Variants in PBX3 observed in about 807,000 individuals in gnomAD.
PBX3 encodes the protein PBX homeobox 3.
In PBX3, 14 loss-of-function variants were observed where a neutral mutation model predicts 48.5. The ratio of observed to expected loss-of-function variants is 0.29; its 90% CI spans 0.19 to 0.45. The LOEUF is 0.45. Among genes scored for constraint, PBX3 ranks in the 20% least tolerant of loss-of-function variants. The pLI is 1.00. For synonymous variants in PBX3, 210 were observed against 200.3 expected (o/e 1.05, Z -0.41); for missense variants, 386 against 546.7 (o/e 0.71, Z 2.93).
rs1842410869 is a variant in PBX3, at chr9:125,960,752, C to T, written c.912C>T (p.Ala304=). Residue 304 remains alanine (A), a synonymous_variant, in exon 6 of 9, where the codon GCC becomes GCT. Transcript: ENST00000373489. ...ACATTGGCAAGTTTCAGGAAGAAGC[C>T]AACCTCTATGCTGCAAAGACGGCCG... ...KKNIGKFQEE[A]NLYAAKTAVT... is the part of the protein sequence containing the mutation. 2.5e-6 allele frequency: 4 copies of T among 1,614,154 alleles called. No individual in the cohort carries two copies. In the East Asian group the frequency reaches 8.9e-5, roughly 36 times the overall value.
intron 2 of PBX3, among the ~76,000 whole-genome samples, chr9:125,896,235 C>G (rs759844993): frequency 2.6e-4 from 40 of 151,954 alleles, no homozygotes; most frequent in Non-Finnish European, 4.1e-4. Flanking sequence ...AGAGATTCCT[C>G]TGTGTGTGCC....
intron 2 of PBX3, among the ~76,000 whole-genome samples, chr9:125,821,912 A>G (rs888760707): frequency 6.6e-6 from 1 of 152,164 alleles, no homozygotes. Flanking sequence ...TTAATTAATG[A>G]TATGTAAATG....
chr9:125,845,585 T>C (rs41307493), intron 2 of PBX3, among the ~76,000 whole-genome samples: 58 of 152,240 alleles, frequency 3.8e-4, no homozygotes, highest in Admixed American at 1.6e-3. Context: ...CAGCATAGAA[T>C]GATCATGAGC....
rs1842553194 is a variant in PBX3, at chr9:125,967,252, T to C, written c.*1329T>C. The C allele has an allele frequency of 6.6e-6, 1 of 152,660 alleles. No homozygotes were observed. The highest frequency in any genetic ancestry group is 1.5e-5 in the Non-Finnish European group (1 of 68,038). 9.5% of individuals were successfully genotyped at this position (152,660 alleles called of 1,614,324 possible). Reference sequence around the variant, plus strand: ...TCATGAAAATAATTTGTGGCGGTGATTCTAATGTATTAAAAACGTTTCGTG... The same window carrying C: ...TCATGAAAATAATTTGTGGCGGTGACTCTAATGTATTAAAAACGTTTCGTG... On this transcript the variant is annotated 3_prime_UTR_variant, in exon 9 of 9. Transcript: ENST00000373489.
At chr9:125,817,235 G>A (rs1305841093) in intron 2 of PBX3, among the ~76,000 whole-genome samples, 1 of 152,146 alleles carries the variant, frequency 6.6e-6, no homozygotes, top group Non-Finnish European at 1.5e-5. Flanking sequence ...ATGAAGTTTA[G>A]ATACAACACA....
intron 3 of PBX3, among the ~76,000 whole-genome samples, chr9:125,920,869 A>C (rs1841442522): frequency 6.6e-6 from 1 of 152,200 alleles, no homozygotes; most frequent in Admixed American, 6.5e-5. Context: ...GGAATGGAGA[A>C]TGGGTGAAAA....
intron 2 of PBX3, among the ~76,000 whole-genome samples, chr9:125,771,564 C>T (rs1228605513): frequency 6.6e-6 from 1 of 152,106 alleles, no homozygotes; most frequent in Non-Finnish European, 1.5e-5. Flanking sequence ...AGTAAGGTTA[C>T]TCTCCTTGCA....
chr9:125,945,093 G>A (rs1055770976), intron 5 of PBX3, among the ~76,000 whole-genome samples: 6 of 152,038 alleles, frequency 3.9e-5, no homozygotes, highest in Non-Finnish European at 2.9e-5. Flanking sequence ...GCATGGTGGC[G>A]CATGCCGGTG....
intron 2 of PBX3, among the ~76,000 whole-genome samples, chr9:125,781,164 C>T (rs1344118689): frequency 1.3e-5 from 2 of 150,788 alleles, no homozygotes; most frequent in African/African-American, 4.9e-5. Context: ...GAGGCCAAGG[C>T]AGGCGGCTGG....
intron 2 of PBX3, among the ~76,000 whole-genome samples, chr9:125,898,312 TCA>T (rs753591980): frequency 6.6e-6 from 1 of 151,764 alleles, no homozygotes; most frequent in Non-Finnish European, 1.5e-5. Context: ...CCAGAAATTT[TCA>T]CAGTCTCCTT....
intron 2 of PBX3, among the ~76,000 whole-genome samples, chr9:125,905,391 G>A (rs1231767645): frequency 6.6e-6 from 1 of 151,898 alleles, no homozygotes; most frequent in Non-Finnish European, 1.5e-5. Flanking sequence ...GCATTTAATT[G>A]CTGTTATTTT....
At chr9:125,835,351 G>A (rs1046402154) in intron 2 of PBX3, among the ~76,000 whole-genome samples, 1 of 152,144 alleles carries the variant, frequency 6.6e-6, no homozygotes, top group African/African-American at 2.4e-5. Flanking sequence ...TGGCAGAGCT[G>A]GGAGATGGCC....
chr9:125,887,108 C>G (rs1395035148), intron 2 of PBX3, among the ~76,000 whole-genome samples: 1 of 152,174 alleles, frequency 6.6e-6, no homozygotes, highest in African/African-American at 2.4e-5. Flanking sequence ...CAGCTTTCAA[C>G]CAACACAAGA....
chr9:125,895,117 A>T (rs967167202), intron 2 of PBX3, among the ~76,000 whole-genome samples: 12 of 152,100 alleles, frequency 7.9e-5, no homozygotes. Context: ...TAATTGTGTT[A>T]GAACTTAAGA....
At position 125,803,091 on chromosome 9, in the gene PBX3, C is replaced by CTTT. The variant is rs59714151; in HGVS notation, c.274+54486_274+54488dup. Among the ~76,000 whole-genome samples the CTTT allele has an allele frequency of 1.4e-3, 151 of 108,902 alleles. 7 individuals carry two copies. The highest frequency in any genetic ancestry group is 4.8e-3 in the African/African-American group (132 of 27,716). The allele number at this position is 108,902 out of a possible 152,430, so 71.4% of individuals were successfully genotyped here. A position where few individuals can be genotyped will look rare whatever the true frequency, so the allele number is the denominator to read the frequency against. ...TTTCAGTGATTTTTCCCACTAATGT[C>CTTT]TTTTTTTTTTTTTTTTTTTTGAGTC... On this transcript the variant is annotated intron_variant, in intron 2 of 8. Transcript: ENST00000373489.
At chr9:125,786,791 C>T (rs1837468830) in intron 2 of PBX3, among the ~76,000 whole-genome samples, 1 of 151,198 alleles carries the variant, frequency 6.6e-6, no homozygotes, top group African/African-American at 2.4e-5. Context: ...ATGGCCCAAT[C>T]TCAGCTCACT....
intron 2 of PBX3, among the ~76,000 whole-genome samples, chr9:125,781,899 A>C (rs1387908891): frequency 1.3e-5 from 2 of 151,604 alleles, no homozygotes; most frequent in Non-Finnish European, 2.9e-5. Context: ...TTTCCTAAGT[A>C]TGTCCTATAC....
At chr9:125,874,058 G>A (rs184226071) in intron 2 of PBX3, among the ~76,000 whole-genome samples, 1 of 152,216 alleles carries the variant, frequency 6.6e-6, no homozygotes, top group Admixed American at 6.5e-5. Context: ...TAAAAAGAAG[G>A]AATATCCTGA....
chr9:125,833,867 A>G (rs902371269), intron 2 of PBX3, among the ~76,000 whole-genome samples: 1 of 152,200 alleles, frequency 6.6e-6, no homozygotes, highest in Non-Finnish European at 1.5e-5. Flanking sequence ...ATACCTTGGA[A>G]TGGGATTGCT....
Sources: gnomAD v4.1 joint callset for allele counts (sites outside exome capture counted in the v4.1 genomes callset) on GRCh38, gnomAD v4.1.1 for gene constraint, MANE v1.5 for transcripts, NCBI Gene and HGNC (gene_info 2026-07-23, HGNC 2026-07-21) for gene names.